GABRB1: variants seen among roughly 807,000 people sequenced by gnomAD.
The protein encoded by GABRB1 is gamma-aminobutyric acid type A receptor subunit beta1.
Under a neutral mutation model 51.6 loss-of-function variants are expected in GABRB1, and 17 were observed. The ratio of observed to expected loss-of-function variants is 0.33; its 90% CI spans 0.23 to 0.49. The LOEUF (loss-of-function observed/expected upper bound fraction) is 0.49. Among genes scored for constraint, GABRB1 ranks in the 20% least tolerant of loss-of-function variants. The pLI is 0.99. For synonymous variants in GABRB1, 247 were observed against 218.9 expected (o/e 1.13, Z -1.14); for missense variants, 410 against 600.6 (o/e 0.68, Z 3.32).
chr4:47,363,020 G>A (rs1399162168), intron 5 of GABRB1, among the ~76,000 whole-genome samples: 4 of 96,148 alleles, frequency 4.2e-5, no homozygotes, highest in Admixed American at 9.3e-5. Context: ...GTGTCTAAGC[G>A]TGTGTGTGTG....
At chr4:47,338,335 G>C (rs927362585) in intron 5 of GABRB1, among the ~76,000 whole-genome samples, 7 of 152,100 alleles carry the variant, frequency 4.6e-5, no homozygotes, top group African/African-American at 1.7e-4. Context: ...AGTACTTTTA[G>C]GATGACAAGA....
intron 4 of GABRB1, among the ~76,000 whole-genome samples, chr4:47,298,540 A>G (rs1281223609): frequency 6.6e-6 from 1 of 152,226 alleles, no homozygotes; most frequent in Non-Finnish European, 1.5e-5. Context: ...AGGGATGTGA[A>G]GCACCTCTTC....
intron 3 of GABRB1, chr4:47,043,493 A>C (rs532732980): frequency 3.4e-4 from 52 of 152,184 alleles, no homozygotes; most frequent in African/African-American, 1.2e-3. Context: ...TATTGTGTTC[A>C]AAATCACTGT....
chr4:47,048,921 T>G (rs536872346), intron 3 of GABRB1, among the ~76,000 whole-genome samples: 1 of 152,264 alleles, frequency 6.6e-6, no homozygotes, highest in South Asian at 2.1e-4. Context: ...GGCAGAATCC[T>G]ACCCAAACAA....
chr4:47,146,620 A>C (rs1315080737), intron 3 of GABRB1, among the ~76,000 whole-genome samples: 1 of 152,066 alleles, frequency 6.6e-6, no homozygotes, highest in Non-Finnish European at 1.5e-5. Flanking sequence ...CATCTATCCA[A>C]AAATGTAAAT....
chr4:47,132,438 T>C (rs376763021), intron 3 of GABRB1, among the ~76,000 whole-genome samples: 2 of 105,046 alleles, frequency 1.9e-5, no homozygotes, highest in African/African-American at 3.3e-5. Context: ...TTTGGTTTGG[T>C]TTGGTTTGGA....
intron 4 of GABRB1, among the ~76,000 whole-genome samples, chr4:47,264,011 A>G (rs541215603): frequency 6.6e-6 from 1 of 152,048 alleles, no homozygotes; most frequent in African/African-American, 2.4e-5. Context: ...GTGTAGTGAT[A>G]CACACCTGTA....
At chr4:47,103,836 C>G (rs1338612902) in intron 3 of GABRB1, among the ~76,000 whole-genome samples, 2 of 151,742 alleles carry the variant, frequency 1.3e-5, no homozygotes, top group African/African-American at 4.8e-5. Flanking sequence ...TCATCCTCCT[C>G]CAAAGACCAG....
At chr4:47,389,575 C>T (rs1194154403) in intron 5 of GABRB1, among the ~76,000 whole-genome samples, 2 of 152,090 alleles carry the variant, frequency 1.3e-5, no homozygotes, top group African/African-American at 4.8e-5. Flanking sequence ...TTGCATTTTG[C>T]CTTTAACTGT....
At chr4:47,233,814 TAC>T (rs1462035216) in intron 4 of GABRB1, among the ~76,000 whole-genome samples, 1 of 152,218 alleles carries the variant, frequency 6.6e-6, no homozygotes, top group East Asian at 1.9e-4. Flanking sequence ...GATTTTAAAT[TAC>T]ACAAATAGTG....
In GABRB1 at chr4:47,145,315, A is replaced by G. The variant is rs1289702550; in HGVS notation, c.241-15934A>G. 4.6e-5 allele frequency among the ~76,000 whole-genome samples: 7 copies of G among 152,020 alleles called. No individual in the cohort carries two copies. The South Asian group carries it at 6.2e-4, about 13-fold the overall frequency. On this transcript the variant is annotated intron_variant, in intron 3 of 8. Coordinates refer to ENST00000295454, the MANE Select transcript of GABRB1 (RefSeq NM_000812.4). ...CCAGGCAGCTCTTTCCTGGGATATA[A>G]ATTGGTAAACCACACAAATGCTGCC...
At position 47,359,672 on chromosome 4, in the gene GABRB1, GTTTAC is replaced by G. The variant is rs1334813873; in HGVS notation, c.544+39467_544+39471del. Among the ~76,000 whole-genome samples, 10 of 152,136 alleles carry G rather than the reference GTTTAC, an allele frequency of 6.6e-5. No individual in the cohort carries two copies. In the East Asian group the frequency reaches 1.9e-3, roughly 29 times the overall value. On this transcript the variant is annotated intron_variant, in intron 5 of 8. Transcript: ENST00000295454. ...ATATGAAGATTTTCAATCCTTTACT[GTTTAC>G]TTTGTTTTTAACACTATTTTCTGTA...
intron 1 of GABRB1, among the ~76,000 whole-genome samples, chr4:47,012,961 A>G (rs772393356): frequency 3.9e-5 from 6 of 152,228 alleles, no homozygotes; most frequent in Non-Finnish European, 7.3e-5. Flanking sequence ...ACAAAAATAT[A>G]GTTGTAGTTC....
Position 47,175,807 on chromosome 4 carries a change from T to A in GABRB1, c.461+14338T>A, listed in dbSNP as rs188022528. ...TATTTCCCTCAGAAAGCTATATGCT[T>A]AGTCTGTCAGTACTGCTGCACTTAA... is the stretch of plus-strand genomic sequence containing the variant. On this transcript the variant is annotated intron_variant, in intron 4 of 8. Coordinates refer to ENST00000295454, the MANE Select transcript of GABRB1 (RefSeq NM_000812.4). 9.0e-4 allele frequency among the ~76,000 whole-genome samples: 137 copies of A among 152,294 alleles called. 2 individuals carry two copies. Among genetic ancestry groups the A allele is most frequent in the Non-Finnish European group, 1.6e-3 (107 of 68,008 alleles).
intron 3 of GABRB1, among the ~76,000 whole-genome samples, chr4:47,098,408 A>C (rs1714559221): frequency 6.6e-6 from 1 of 152,108 alleles, no homozygotes; most frequent in Admixed American, 6.6e-5. Context: ...CTCACAGAGG[A>C]ATAACCCCAA....
intron 4 of GABRB1, among the ~76,000 whole-genome samples, chr4:47,275,400 C>A (rs551304742): frequency 5.9e-5 from 9 of 152,142 alleles, no homozygotes; most frequent in Non-Finnish European, 1.3e-4. Context: ...TTCCTGTCCT[C>A]ATTCAGCTAC....
intron 3 of GABRB1, among the ~76,000 whole-genome samples, chr4:47,112,346 C>T (rs1373703112): frequency 1.3e-5 from 2 of 152,020 alleles, no homozygotes; most frequent in Admixed American, 6.5e-5. Context: ...ACCTCGTAAT[C>T]CGACTGCCTC....
chr4:47,200,527 A>C (rs1448995374), intron 4 of GABRB1, among the ~76,000 whole-genome samples: 2 of 152,156 alleles, frequency 1.3e-5, no homozygotes, highest in African/African-American at 4.8e-5. Context: ...TATCTTTCAC[A>C]CTTTCCATTT....
At chr4:47,123,830 A>T (rs1195873994) in intron 3 of GABRB1, among the ~76,000 whole-genome samples, 2 of 85,962 alleles carry the variant, frequency 2.3e-5, no homozygotes, top group African/African-American at 9.4e-5. Context: ...ATATTATATT[A>T]TATATTATAT....
Sources: allele counts gnomAD v4.1 joint callset (sites outside exome capture counted in the v4.1 genomes callset), GRCh38; gene constraint gnomAD v4.1.1; transcripts MANE v1.5; gene names NCBI Gene and HGNC (gene_info 2026-07-23, HGNC 2026-07-21).